ACRV1: variants seen among roughly 807,000 people sequenced by gnomAD.
The protein encoded by ACRV1 is acrosomal protein SP-10.
A neutral mutation model predicts 29.2 loss-of-function variants in ACRV1; 17 were observed. The ratio of observed to expected loss-of-function variants is 0.58; its 90% CI spans 0.40 to 0.87. The LOEUF is 0.87. ACRV1 is among the 40% of genes least tolerant of loss of function. The pLI, the probability that ACRV1 is intolerant of heterozygous loss-of-function variation, is 0.00. For missense variants in ACRV1, 294 were observed against 316.0 expected, an observed-to-expected ratio of 0.93 and a Z score of 0.53; for synonymous variants, 98 against 111.6, an observed-to-expected ratio of 0.88 and a Z score of 0.77.
intron 2 of ACRV1, 48 bp downstream of exon 2, chr11:125,677,749 A>G (rs1190369760): frequency 6.2e-7 from 1 of 1,603,556 alleles, no homozygotes; most frequent in Non-Finnish European, 8.5e-7. Flanking sequence ...TGTGTTCCCC[A>G]TTTCCCACCT....
At position 125,672,342 on chromosome 11, in the gene ACRV1, C is replaced by T. The variant is rs1321342303; in HGVS notation, c.*251G>A. 2 of 428,546 alleles carry T rather than the reference C, an allele frequency of 4.7e-6. No individual in the cohort carries two copies. The highest frequency in any genetic ancestry group is 8.4e-5 in the East Asian group (2 of 23,854). The allele number at this position is 428,546 out of a possible 1,614,324, so 26.5% of individuals were successfully genotyped here. A position where few individuals can be genotyped will look rare whatever the true frequency, so the allele number is the denominator to read the frequency against. ...TCTGTCTTGAGCCTGTGTGCTTTAACCATGTGAAATTTATTGAAAAAAAAA... is the reference window on the plus strand; with the variant it reads ...TCTGTCTTGAGCCTGTGTGCTTTAATCATGTGAAATTTATTGAAAAAAAAA... On this transcript the variant is annotated 3_prime_UTR_variant, in exon 4 of 4. Transcript: ENST00000533904.
intron 3 of ACRV1, 145 bp from the exon 4 acceptor site, chr11:125,672,862 T>C: frequency 9.4e-7 from 1 of 1,060,792 alleles, no homozygotes; most frequent in Non-Finnish European, 1.3e-6. Context: ...ATTTGCTTCC[T>C]CTGGGAACTT....
intron 1 of ACRV1, among the ~76,000 whole-genome samples, chr11:125,679,649 C>A (rs1461520244): frequency 6.6e-6 from 1 of 152,180 alleles, no homozygotes; most frequent in Non-Finnish European, 1.5e-5. Context: ...AAGTAGACTA[C>A]AACAACCAAG....
At chr11:125,678,356 A>C in intron 1 of ACRV1, 59 bp from the exon 2 acceptor site, 1 of 1,570,342 alleles carries the variant, frequency 6.4e-7, no homozygotes. Flanking sequence ...GATAAAGACT[A>C]TCTTCCTATG....
At chr11:125,678,976 TATTATATATA>T (rs1463406634) in intron 1 of ACRV1, among the ~76,000 whole-genome samples, 1 of 18,490 alleles carries the variant, frequency 5.4e-5, no homozygotes, top group African/African-American at 2.4e-4. Context: ...AGTCTAGGCA[TATTATATATA>T]TATATATATA....
intron 1 of ACRV1, among the ~76,000 whole-genome samples, chr11:125,679,909 T>C (rs1942717356): frequency 6.6e-6 from 1 of 152,232 alleles, no homozygotes; most frequent in South Asian, 2.1e-4. Context: ...ACTATCTACT[T>C]GACTGGTTTT....
rs1942511067 is a variant in ACRV1 at position 125,676,423 on chromosome 11, A to G, written c.609T>C (p.Leu203=). The stretch of plus-strand genomic sequence containing the variant: ...GAGTGATGCAGGTTCCCTCTCCACG[A>G]AGACATTTTCCTTGATCATTCATAT... ...CAYMNDQGKC[L]RGEGTCITQN... is the part of the protein sequence containing the mutation. The change falls in exon 3 of 4, where the codon CTT becomes CTC. Residue 203 remains leucine (L), a synonymous_variant. Transcript: ENST00000533904. The G allele has an allele frequency of 6.2e-7, 1 of 1,614,046 alleles. No homozygotes were observed.
chr11:125,672,499 TG>T lies in ACRV1; in HGVS notation c.*93del. ...TCAGGCAGAGGCAGATGTGGTCAGT[TG>T]TTGACTGGGGAAGGAACTAAATATA... On this transcript the variant is annotated 3_prime_UTR_variant, in exon 4 of 4. Coordinates refer to ENST00000533904, the MANE Select transcript of ACRV1 (RefSeq NM_001612.6). The T allele has an allele frequency of 1.4e-6, 2 of 1,476,864 alleles. No homozygotes were observed. The highest frequency in any genetic ancestry group is 4.5e-5 in the East Asian group (2 of 44,118). 91.5% of individuals were successfully genotyped at this position (1,476,864 alleles called of 1,614,324 possible). A position where few individuals can be genotyped will look rare whatever the true frequency, so the allele number is the denominator to read the frequency against.
intron 2 of ACRV1, among the ~76,000 whole-genome samples, chr11:125,677,110 A>G (rs1377660776): frequency 2.0e-5 from 3 of 152,200 alleles, no homozygotes; most frequent in African/African-American, 7.2e-5. Context: ...AAAGTTTGCC[A>G]CTTTCTAGCC....
chr11:125,679,547 A>G (rs1405383907), intron 1 of ACRV1, among the ~76,000 whole-genome samples: 2 of 152,210 alleles, frequency 1.3e-5, no homozygotes, highest in Non-Finnish European at 2.9e-5. Flanking sequence ...TGTCAGACAA[A>G]TATTCCTTAA....
At chr11:125,679,332 C>T (rs528639211) in intron 1 of ACRV1, among the ~76,000 whole-genome samples, 23 of 151,236 alleles carry the variant, frequency 1.5e-4, no homozygotes, top group Non-Finnish European at 2.5e-4. Flanking sequence ...ATCCTCCTGC[C>T]TCTGCCTCCC....
chr11:125,672,674 G>C lies in ACRV1; in HGVS notation c.717C>G (p.Cys239Trp). The C allele has an allele frequency of 6.2e-7, 1 of 1,614,124 alleles. No individual in the cohort carries two copies. Among genetic ancestry groups the C allele is most frequent in the Non-Finnish European group, 8.5e-7 (1 of 1,180,006 alleles). The change falls in exon 4 of 4, where the codon TGC becomes TGG. Residue 239 changes from cysteine to tryptophan, a missense_variant. Cys to Trp is a radical substitution (Grantham distance 215, BLOSUM62 -2). Transcript: ENST00000533904. ...QFMVQGCENM[C>W]PSMNLFSHGT... ...CATGGGAGAAGAGGTTCATAGATGG[G>C]CACATGTTCTCACACCCTTGAACCA...
In ACRV1 at chr11:125,672,356, T is replaced by C. The variant is rs899966364; in HGVS notation, c.*237A>G. ...GTGTGCTTTAACCATGTGAAATTTA[T>C]TGAAAAAAAAATCAGGAATATTGAG... On this transcript the variant is annotated 3_prime_UTR_variant, in exon 4 of 4. Coordinates refer to ENST00000533904, the MANE Select transcript of ACRV1 (RefSeq NM_001612.6). 1 of 479,626 alleles carries C rather than the reference T, an allele frequency of 2.1e-6. No individual in the cohort carries two copies. Among genetic ancestry groups the C allele is most frequent in the Non-Finnish European group, 3.6e-6 (1 of 275,454 alleles). 29.7% of individuals were successfully genotyped at this position (479,626 alleles called of 1,614,324 possible). A position where few individuals can be genotyped will look rare whatever the true frequency, so the allele number is the denominator to read the frequency against.
At chr11:125,678,391 C>G (rs1230855561) in intron 1 of ACRV1, 94 bp from the exon 2 acceptor site, 1 of 1,435,958 alleles carries the variant, frequency 7.0e-7, no homozygotes, top group Admixed American at 2.2e-5. Flanking sequence ...TTATGAGACT[C>G]CTAGGTTTCC....
At chr11:125,680,654 T>C (rs1352955455) in intron 1 of ACRV1, 75 bp downstream of exon 1, 39 of 1,371,902 alleles carry the variant, frequency 2.8e-5, no homozygotes, top group Non-Finnish European at 3.9e-5. Flanking sequence ...GAGACTGGTC[T>C]TCCTTCTTCA....
Position 125,671,607 on chromosome 11 carries a change from C to A in ACRV1, c.*986G>T, listed in dbSNP as rs1271060008. On this transcript the variant is annotated 3_prime_UTR_variant, in exon 4 of 4. Transcript: ENST00000533904. ...GTACTGTTCTAAGAGTTCTTAGAAC[C>A]ATTCTGGCTACTTTCATTGTGGTGG... 6.6e-6 allele frequency: 1 copy of A among 152,096 alleles called. No individual in the cohort carries two copies. The highest frequency in any genetic ancestry group is 2.4e-5 in the African/African-American group (1 of 41,402). The allele number at this position is 152,096 out of a possible 1,614,324, so 9.4% of individuals were successfully genotyped here. A position where few individuals can be genotyped will look rare whatever the true frequency, so the allele number is the denominator to read the frequency against.
At position 125,674,921 on chromosome 11, in the gene ACRV1, A is replaced by C. The variant is rs549049914; in HGVS notation, c.673+1438T>G. On this transcript the variant is annotated intron_variant, in intron 3 of 3. Coordinates refer to ENST00000533904, the MANE Select transcript of ACRV1 (RefSeq NM_001612.6). Reference sequence around the variant, plus strand: ...ATGTCTCTGCTCACCATCCTCAAAAAACTCTTTGCTCTTTTTCCTATTTAC... The same window carrying C: ...ATGTCTCTGCTCACCATCCTCAAAACACTCTTTGCTCTTTTTCCTATTTAC... 2.6e-5 allele frequency among the ~76,000 whole-genome samples: 4 copies of C among 152,238 alleles called. No homozygotes were observed. In the South Asian group the frequency reaches 8.3e-4, roughly 32 times the overall value.
rs570573166 is a variant in ACRV1, at chr11:125,673,835, CT to C, written c.674-1119del. On this transcript the variant is annotated intron_variant, in intron 3 of 3. Coordinates refer to ENST00000533904, the MANE Select transcript of ACRV1 (RefSeq NM_001612.6). ...AAGGTCTGTCAGTTCTACTTGCAAT[CT>C]AGTTTGTTTCTGTCACTCGGTTTCC... Among the ~76,000 whole-genome samples the C allele has an allele frequency of 4.3e-3, 659 of 152,286 alleles. 10 individuals are homozygous for C. The highest frequency in any genetic ancestry group is 0.013 in the African/African-American group (544 of 41,552).
rs199795118 is a variant in ACRV1, at chr11:125,680,691, C to G, written c.52+38G>C. On this transcript the variant is annotated intron_variant, in intron 1 of 3. Coordinates refer to ENST00000533904, the MANE Select transcript of ACRV1 (RefSeq NM_001612.6). ...GGCCTGAAATGTCTTAAGGGAGACC[C>G]CTTTTGTATTTACCTGAAGCCTAGA... is the stretch of plus-strand genomic sequence containing the variant. 8.5e-5 allele frequency: 135 copies of G among 1,583,460 alleles called. 2 individuals are homozygous for G. The East Asian group carries it at 1.3e-3, about 15-fold the overall frequency.
Sources: allele counts gnomAD v4.1 joint callset (sites outside exome capture counted in the v4.1 genomes callset), GRCh38; gene constraint gnomAD v4.1.1; transcripts MANE v1.5; gene names NCBI Gene and HGNC (gene_info 2026-07-23, HGNC 2026-07-21).